PUM3: variants seen among roughly 807,000 people sequenced by gnomAD.
PUM3 encodes the protein pumilio RNA binding family member 3, also known as pumilio homolog 3.
PUM3 carries 91 observed loss-of-function variants against 84.0 expected under a neutral mutation model. The observed-to-expected ratio is 1.08, with a 90% CI of 0.91 to 1.29. The LOEUF is 1.29. PUM3 is among the 50% of genes most tolerant of loss of function. The pLI, the probability that PUM3 is intolerant of heterozygous loss-of-function variation, is 0.00. For synonymous variants in PUM3, 321 were observed against 266.7 expected (o/e 1.20, Z -1.98); for missense variants, 1,067 against 767.5 (o/e 1.39, Z -4.61).
rs1816186322 is a variant in PUM3, at chr9:2,838,451, T to C, written c.57A>G (p.Glu19=). The C allele has an allele frequency of 6.2e-7, 1 of 1,613,108 alleles. No individual in the cohort carries two copies. Among genetic ancestry groups the C allele is most frequent in the East Asian group, 2.2e-5 (1 of 44,854 alleles). ...CACTATTTTTATGAAATCTGTTTTT[T>C]TCTTGTGCTGTCTTTGTACTCTTTC... ...FTGKSTKTAQ[E]KNRFHKNSDS... The change falls in exon 2 of 18, where the codon GAA becomes GAG. Residue 19 remains glutamate (E), a synonymous_variant. Coordinates refer to ENST00000397885, the MANE Select transcript of PUM3 (RefSeq NM_014878.5).
intron 7 of PUM3, among the ~76,000 whole-genome samples, chr9:2,830,523 T>C (rs1021984186): frequency 1.3e-5 from 2 of 152,154 alleles, no homozygotes; most frequent in Non-Finnish European, 2.9e-5. Context: ...TAATTATAAG[T>C]TAATTATTCT....
At chr9:2,824,256 G>T (rs1013679737) in intron 11 of PUM3, among the ~76,000 whole-genome samples, 2 of 152,128 alleles carry the variant, frequency 1.3e-5, no homozygotes, top group Admixed American at 1.3e-4. Context: ...GAATTATGCT[G>T]ACCAAGGAAA....
Position 2,834,092 on chromosome 9 carries a change from T to C in PUM3, c.379A>G (p.Ser127Gly), listed in dbSNP as rs770825637. The change falls in exon 4 of 18, where the codon AGT (serine) becomes GGT (glycine). Residue 127 changes from serine to glycine, a missense_variant. By Grantham distance (56) the Ser-to-Gly change is moderately conservative. Coordinates refer to ENST00000397885, the MANE Select transcript of PUM3 (RefSeq NM_014878.5). ...KKELKQSRQL[S>G]DKTNYDIVVR... is the part of the protein sequence containing the mutation. ...ACAATGTCATAGTTGGTTTTATCAC[T>C]GAGTTGTCTGCTTTGCTTCAGTTCT... is the stretch of plus-strand genomic sequence containing the variant. 23 of 1,613,770 alleles carry C rather than the reference T, an allele frequency of 1.4e-5. No homozygotes were observed. Among genetic ancestry groups the C allele is most frequent in the Non-Finnish European group, 1.9e-5 (23 of 1,179,846 alleles).
At chr9:2,826,824 C>T (rs904380101) in intron 10 of PUM3, among the ~76,000 whole-genome samples, 3 of 150,636 alleles carry the variant, frequency 2.0e-5, no homozygotes, top group African/African-American at 7.3e-5. Flanking sequence ...AGCGGATACT[C>T]TCTGGATTAT....
At position 2,831,244 on chromosome 9, in the gene PUM3, T is replaced by C. The variant is rs749488404; in HGVS notation, c.610+7A>G. On this transcript the variant is annotated splice_region_variant and intron_variant, in intron 6 of 17. Coordinates refer to ENST00000397885, the MANE Select transcript of PUM3 (RefSeq NM_014878.5). ...TGATAACATAATCTTTAGTATGTAA[T>C]AAATACCTCGCAATTCTTCAAAAGC... The C allele has an allele frequency of 7.1e-6, 11 of 1,544,640 alleles. No individual in the cohort carries two copies. In the African/African-American group the frequency reaches 1.2e-4, roughly 17 times the overall value.
intron 13 of PUM3, among the ~76,000 whole-genome samples, 191 bp downstream of exon 13, chr9:2,819,827 G>C (rs1428261454): frequency 2.0e-5 from 3 of 152,010 alleles, no homozygotes; most frequent in Admixed American, 6.6e-5. Context: ...TTAATATCAA[G>C]TTACAAGGTT....
At chr9:2,814,385 A>AT (rs1301937153) in intron 13 of PUM3, among the ~76,000 whole-genome samples, 1 of 151,850 alleles carries the variant, frequency 6.6e-6, no homozygotes, top group Admixed American at 6.6e-5. Context: ...TTATTTTTGT[A>AT]TTTTTAGTAG....
At chr9:2,835,370 A>G (rs1457616812) in intron 3 of PUM3, among the ~76,000 whole-genome samples, 1 of 152,208 alleles carries the variant, frequency 6.6e-6, no homozygotes, top group Non-Finnish European at 1.5e-5. Flanking sequence ...GTGAGCCATC[A>G]TCACGCCATT....
intron 12 of PUM3, among the ~76,000 whole-genome samples, chr9:2,822,187 G>C (rs1815662726): frequency 6.6e-6 from 1 of 152,092 alleles, no homozygotes; most frequent in Non-Finnish European, 1.5e-5. Flanking sequence ...GTTTCTCTCA[G>C]CAACTGATAG....
chr9:2,840,913 G>A (rs1464121707), intron 1 of PUM3, among the ~76,000 whole-genome samples: 3 of 152,152 alleles, frequency 2.0e-5, no homozygotes, highest in Non-Finnish European at 4.4e-5. Flanking sequence ...TTGTCACTGA[G>A]GTGTCCCTGT....
At chr9:2,842,270 T>G (rs918381715) in intron 1 of PUM3, among the ~76,000 whole-genome samples, 1 of 152,222 alleles carries the variant, frequency 6.6e-6, no homozygotes, top group Admixed American at 6.5e-5. Flanking sequence ...CAGTTTTGTT[T>G]AGATCCTATC....
chr9:2,820,729 TGAATGA>T (rs1179324571), intron 12 of PUM3, among the ~76,000 whole-genome samples: 3 of 151,894 alleles, frequency 2.0e-5, no homozygotes, highest in Non-Finnish European at 1.5e-5. Flanking sequence ...AATTATACAC[TGAATGA>T]GAATGATATA....
chr9:2,835,837 T>C (rs1424111565), intron 3 of PUM3, among the ~76,000 whole-genome samples: 2 of 152,212 alleles, frequency 1.3e-5, no homozygotes, highest in East Asian at 1.9e-4. Flanking sequence ...GAGTCCCATT[T>C]TGAGATATCA....
chr9:2,830,977 T>G lies in PUM3; in HGVS notation c.662A>C (p.Lys221Thr), dbSNP rs1383737044. The change falls in exon 7 of 18, where the codon AAA becomes ACA. Residue 221 changes from lysine (K) to threonine (T), a missense_variant. Physicochemically the swap from Lys to Thr is moderately conservative, Grantham distance 78. Coordinates refer to ENST00000397885, the MANE Select transcript of PUM3 (RefSeq NM_014878.5). ...AACAACTTACCCATACATGAGAAATTTCTTAACAATATTTCTCGAATATTT... is the reference window on the plus strand; with the variant it reads ...AACAACTTACCCATACATGAGAAATGTCTTAACAATATTTCTCGAATATTT... ...KAKYSRNIVK[K>T]FLMYGSKPQI... 4.7e-6 allele frequency: 7 copies of G among 1,483,190 alleles called. No individual in the cohort carries two copies. In the African/African-American group the frequency reaches 6.9e-5, roughly 15 times the overall value. 91.9% of individuals were successfully genotyped at this position (1,483,190 alleles called of 1,614,324 possible). A position where few individuals can be genotyped will look rare whatever the true frequency, so the allele number is the denominator to read the frequency against.
At chr9:2,818,390 C>T (rs1028354746) in intron 13 of PUM3, among the ~76,000 whole-genome samples, 7 of 152,282 alleles carry the variant, frequency 4.6e-5, no homozygotes, top group Admixed American at 1.3e-4. Flanking sequence ...TTTTCAACAG[C>T]AACTTTAAGT....
intron 13 of PUM3, among the ~76,000 whole-genome samples, chr9:2,819,056 A>G (rs573694009): frequency 9.9e-5 from 15 of 152,180 alleles, no homozygotes; most frequent in Non-Finnish European, 1.8e-4. Context: ...ATCAAACAGA[A>G]AGGCTTGTGT....
chr9:2,823,496 T>A (rs577517909), intron 12 of PUM3, among the ~76,000 whole-genome samples: 4 of 152,096 alleles, frequency 2.6e-5, no homozygotes, highest in African/African-American at 7.2e-5. Context: ...ACTGGACAAA[T>A]TCACCAAAAA....
intron 3 of PUM3, among the ~76,000 whole-genome samples, chr9:2,834,508 G>T (rs746874452): frequency 3.9e-5 from 6 of 152,026 alleles, no homozygotes; most frequent in Non-Finnish European, 7.4e-5. Context: ...TGGACTTTAG[G>T]TATAATTAAC....
At position 2,804,776 on chromosome 9, in the gene PUM3, T is replaced by C. The variant is rs568728017; in HGVS notation, c.1815-313A>G. Among the ~76,000 whole-genome samples the C allele has an allele frequency of 2.8e-4, 43 of 152,362 alleles. 2 individuals carry two copies. In the South Asian group the frequency reaches 8.9e-3, roughly 32 times the overall value. On this transcript the variant is annotated intron_variant, in intron 17 of 17. Coordinates refer to ENST00000397885, the MANE Select transcript of PUM3 (RefSeq NM_014878.5). Reference sequence around the variant, plus strand: ...CTTACATCCTGTCTTAAAATGATTCTACATGTATTCTATCTTCCCTTCCCC... The same window carrying C: ...CTTACATCCTGTCTTAAAATGATTCCACATGTATTCTATCTTCCCTTCCCC...
Sources: allele counts gnomAD v4.1 joint callset (sites outside exome capture counted in the v4.1 genomes callset), GRCh38; gene constraint gnomAD v4.1.1; transcripts MANE v1.5; gene names NCBI Gene and HGNC (gene_info 2026-07-23, HGNC 2026-07-21).